Variants in ST6GALNAC3 observed in about 807,000 individuals in gnomAD.
The protein encoded by ST6GALNAC3 is ST6 N-acetylgalactosaminide alpha-2,6-sialyltransferase 3.
ST6GALNAC3 carries 25 observed loss-of-function variants against 32.7 expected under a neutral mutation model. The ratio of observed to expected loss-of-function variants is 0.76; its 90% confidence interval spans 0.56 to 1.07. ST6GALNAC3 has a LOEUF of 1.07. Ranked by LOEUF, ST6GALNAC3 falls within the 50% of genes least tolerant of loss-of-function variation. The pLI, the probability that ST6GALNAC3 is intolerant of heterozygous loss-of-function variation, is 0.00. For synonymous variants in ST6GALNAC3, 129 were observed against 133.1 expected, an observed-to-expected ratio of 0.97 and a Z score of 0.21; for missense variants, 355 against 382.4, an observed-to-expected ratio of 0.93 and a Z score of 0.60.
At chr1:76,136,899 G>GCTAA (rs1191716392) in intron 1 of ST6GALNAC3, among the ~76,000 whole-genome samples, 1 of 152,146 alleles carries the variant, frequency 6.6e-6, no homozygotes, top group Non-Finnish European at 1.5e-5. Context: ...CAGTAACGAT[G>GCTAA]CTAACATCAT....
intron 2 of ST6GALNAC3, among the ~76,000 whole-genome samples, chr1:76,373,639 T>C (rs1205225444): frequency 6.6e-6 from 1 of 152,174 alleles, no homozygotes; most frequent in Admixed American, 6.5e-5. Flanking sequence ...GTATCCTGCC[T>C]CCTGGTAATG....
In ST6GALNAC3 at chr1:76,412,171, G is replaced by T; in HGVS notation, c.377G>T (p.Arg126Leu). Reference sequence around the variant, plus strand: ...GATGTCGGCCGCATGACCATGATTCGAGTTGTGTCCCATACCAGCGTTCCT... The same window carrying T: ...GATGTCGGCCGCATGACCATGATTCTAGTTGTGTCCCATACCAGCGTTCCT... ...EEDVGRMTMI[R>L]VVSHTSVPLL... Residue 126 changes from arginine to leucine, a missense_variant, in exon 3 of 5, where the codon CGA becomes CTA. By Grantham distance (102) the Arg-to-Leu change is moderately radical (BLOSUM62 -2). Transcript: ENST00000328299. 6.2e-7 allele frequency: 1 copy of T among 1,613,660 alleles called. No individual in the cohort carries two copies. The highest frequency in any genetic ancestry group is 1.1e-5 in the South Asian group (1 of 91,052).
At chr1:76,130,986 C>G (rs1425411890) in intron 1 of ST6GALNAC3, among the ~76,000 whole-genome samples, 1 of 152,158 alleles carries the variant, frequency 6.6e-6, no homozygotes, top group Admixed American at 6.5e-5. Context: ...GAGAAGTGCC[C>G]CATTTGAAGG....
intron 1 of ST6GALNAC3, among the ~76,000 whole-genome samples, chr1:76,155,939 C>T (rs1399980632): frequency 6.6e-6 from 1 of 151,988 alleles, no homozygotes; most frequent in African/African-American, 2.4e-5. Flanking sequence ...TTTTCTGCTC[C>T]GGGAGCCTAC....
At position 76,509,492 on chromosome 1, in the gene ST6GALNAC3, A is replaced by C. The variant is rs190693383; in HGVS notation, c.623+97075A>C. ...GTAAGAGCAGTTCTTGAGGTATTGA[A>C]TCTACATGAAAGGGATGGAATAAAC... On this transcript the variant is annotated intron_variant, in intron 3 of 4. Coordinates refer to ENST00000328299, the MANE Select transcript of ST6GALNAC3 (RefSeq NM_152996.4). This position sits in a 1 kb window ranked among gnomAD's most constrained non-coding sequence, Gnocchi z 5.5. 6.6e-6 allele frequency among the ~76,000 whole-genome samples: 1 copy of C among 152,218 alleles called. No homozygotes were observed. Among genetic ancestry groups the C allele is most frequent in the Non-Finnish European group, 1.5e-5 (1 of 68,046 alleles).
chr1:76,458,776 C>G (rs1012993752), intron 3 of ST6GALNAC3, among the ~76,000 whole-genome samples: 3 of 151,072 alleles, frequency 2.0e-5, no homozygotes, highest in Admixed American at 1.3e-4. Context: ...GGAGATATAC[C>G]TAATGCCAGA....
chr1:76,283,259 T>C (rs1659600123), intron 1 of ST6GALNAC3, among the ~76,000 whole-genome samples: 1 of 152,218 alleles, frequency 6.6e-6, no homozygotes, highest in African/African-American at 2.4e-5. Flanking sequence ...GCTTTTTTTC[T>C]TTAAAAGAAG....
intron 3 of ST6GALNAC3, among the ~76,000 whole-genome samples, chr1:76,464,225 G>A (rs1488433172): frequency 6.6e-6 from 1 of 152,074 alleles, no homozygotes; most frequent in Non-Finnish European, 1.5e-5. Flanking sequence ...CTAATTTTCT[G>A]CCATGATTTC....
intron 2 of ST6GALNAC3, among the ~76,000 whole-genome samples, chr1:76,362,372 G>A (rs907671700): frequency 2.6e-5 from 4 of 152,078 alleles, no homozygotes; most frequent in African/African-American, 9.7e-5. Flanking sequence ...AGATTTGGTA[G>A]GGACGTAGAT....
intron 2 of ST6GALNAC3, among the ~76,000 whole-genome samples, chr1:76,370,680 A>G (rs1416690834): frequency 2.0e-5 from 3 of 152,180 alleles, no homozygotes; most frequent in Non-Finnish European, 4.4e-5. Flanking sequence ...TGGGCCCTAG[A>G]AACTGATTTA....
chr1:76,157,805 C>T (rs1286529492), intron 1 of ST6GALNAC3, among the ~76,000 whole-genome samples: 1 of 152,194 alleles, frequency 6.6e-6, no homozygotes, highest in Non-Finnish European at 1.5e-5. Context: ...ATTTAACTAT[C>T]CTCCATACCT....
In ST6GALNAC3 at chr1:76,483,159, G is replaced by T. The variant is rs377534466; in HGVS notation, c.623+70742G>T. 1.7e-4 allele frequency among the ~76,000 whole-genome samples: 26 copies of T among 152,034 alleles called. 1 individual carries two copies. The highest frequency in any genetic ancestry group is 3.7e-4 in the Non-Finnish European group (25 of 68,002). Reference sequence around the variant, plus strand: ...TTTGGGTTGGTTCCAAGTCTTTGCTGTTGTGAATAGTGCCGCAATAAACAT... The same window carrying T: ...TTTGGGTTGGTTCCAAGTCTTTGCTTTTGTGAATAGTGCCGCAATAAACAT... On this transcript the variant is annotated intron_variant, in intron 3 of 4. Coordinates refer to ENST00000328299, the MANE Select transcript of ST6GALNAC3 (RefSeq NM_152996.4).
At chr1:76,079,173 C>G (rs1374429185) in intron 1 of ST6GALNAC3, among the ~76,000 whole-genome samples, 1 of 152,156 alleles carries the variant, frequency 6.6e-6, no homozygotes, top group Non-Finnish European at 1.5e-5. Context: ...CTCCAGGAGA[C>G]AGATTACAGG....
intron 3 of ST6GALNAC3, among the ~76,000 whole-genome samples, chr1:76,591,645 G>A (rs1647050027): frequency 6.6e-6 from 1 of 152,148 alleles, no homozygotes; most frequent in Admixed American, 6.5e-5. Flanking sequence ...GTTGAGTGAG[G>A]GAAAGAGATA....
chr1:76,574,404 T>C lies in ST6GALNAC3; in HGVS notation c.624-53048T>C, dbSNP rs78459640. On this transcript the variant is annotated intron_variant, in intron 3 of 4. Transcript: ENST00000328299. ...GTAGAATCTCAGAGATGAATTTAAA[T>C]GGTCTACCTTCTCTATTTCTATTAT... 6.2e-3 allele frequency among the ~76,000 whole-genome samples: 950 copies of C among 152,174 alleles called. 9 individuals are homozygous for C. The highest frequency in any genetic ancestry group is 0.022 in the African/African-American group (903 of 41,544).
At chr1:76,120,219 C>T (rs1648779845) in intron 1 of ST6GALNAC3, among the ~76,000 whole-genome samples, 1 of 152,222 alleles carries the variant, frequency 6.6e-6, no homozygotes, top group Non-Finnish European at 1.5e-5. Flanking sequence ...ACTGGGGGAA[C>T]AGTGGCAGTT....
intron 1 of ST6GALNAC3, among the ~76,000 whole-genome samples, chr1:76,194,896 A>G (rs1410552285): frequency 6.6e-6 from 1 of 152,234 alleles, no homozygotes; most frequent in Admixed American, 6.5e-5. Context: ...TCTAGCTTGC[A>G]CTTTGAATGG....
chr1:76,596,675 ATG>A (rs1453794330), intron 3 of ST6GALNAC3, among the ~76,000 whole-genome samples: 1 of 152,194 alleles, frequency 6.6e-6, no homozygotes, highest in Non-Finnish European at 1.5e-5. Context: ...TAACAAGTGA[ATG>A]GCTAGTTCTG....
intron 3 of ST6GALNAC3, among the ~76,000 whole-genome samples, chr1:76,430,153 T>C (rs1655656207): frequency 6.6e-6 from 1 of 152,210 alleles, no homozygotes; most frequent in South Asian, 2.1e-4. Context: ...TTATATGCTT[T>C]GTTTCTATCT....
Sources: allele counts gnomAD v4.1 joint callset (sites outside exome capture counted in the v4.1 genomes callset), GRCh38; gene constraint gnomAD v4.1.1; non-coding constraint Gnocchi (gnomAD v3.1); transcripts MANE v1.5; gene names NCBI Gene and HGNC (gene_info 2026-07-23, HGNC 2026-07-21).